OPHN1: variants seen among roughly 807,000 people sequenced by gnomAD.
OPHN1 encodes the protein oligophrenin-1.
OPHN1 carries 11 observed loss-of-function variants against 60.7 expected under a neutral mutation model. That is an observed-to-expected ratio of 0.18 (90% confidence interval 0.11 to 0.30). OPHN1 has a LOEUF of 0.30. Among genes scored for constraint, OPHN1 ranks in the 10% least tolerant of loss-of-function variants. The probability of loss-of-function intolerance (pLI) is 1.00; values close to 1 mark genes in which losing one functional copy is unlikely to be tolerated. For synonymous variants in OPHN1, 226 were observed against 222.6 expected, an observed-to-expected ratio of 1.02 and a Z score of -0.14; for missense variants, 449 against 611.0, an observed-to-expected ratio of 0.73 and a Z score of 2.80.
intron 15 of OPHN1, among the ~76,000 whole-genome samples, chrX:68,156,826 C>A (rs1016704658): frequency 9.0e-6 from 1 of 111,102 alleles, no homozygotes; most frequent in African/African-American, 3.3e-5. Context: ...CAAAATCAAG[C>A]AAAATTAAGG....
chrX:68,317,517 G>GAA (rs2078210926), intron 2 of OPHN1, among the ~76,000 whole-genome samples: 1 of 47,847 alleles, frequency 2.1e-5, no homozygotes, highest in African/African-American at 1.8e-4. Flanking sequence ...GAAAGAGAGA[G>GAA]AGAAAGAAAG....
chrX:68,175,798 C>T (rs191608053), intron 15 of OPHN1, among the ~76,000 whole-genome samples: 8 of 111,808 alleles, frequency 7.2e-5, no homozygotes, highest in African/African-American at 2.6e-4. Context: ...AAAGACATTC[C>T]CTAATGGTCT....
intron 6 of OPHN1, 117 bp from the exon 7 acceptor site, chrX:68,214,089 T>C (rs1179301640): frequency 2.0e-6 from 1 of 500,634 alleles, no homozygotes; most frequent in African/African-American, 2.3e-5. Flanking sequence ...ACTAGTGATG[T>C]TACCTTTTAT....
intron 2 of OPHN1, among the ~76,000 whole-genome samples, chrX:68,358,477 T>C (rs2078453912): frequency 8.9e-6 from 1 of 112,023 alleles, no homozygotes; most frequent in African/African-American, 3.2e-5. Context: ...GAATACTGAA[T>C]TTTGAAGTTT....
intron 15 of OPHN1, among the ~76,000 whole-genome samples, chrX:68,170,103 T>C (rs1467965673): frequency 4.0e-4 from 44 of 109,324 alleles, no homozygotes; most frequent in East Asian, 1.4e-3. Flanking sequence ...CAAACAACCC[T>C]ATCAAAAAGT....
At chrX:68,086,181 C>CAA (rs779219029) in intron 19 of OPHN1, among the ~76,000 whole-genome samples, 1 of 71,216 alleles carries the variant, frequency 1.4e-5, no homozygotes, top group Non-Finnish European at 2.7e-5. Flanking sequence ...ACTCTGTCTC[C>CAA]AAAAAAAAAA....
Position 68,388,992 on chromosome X carries a change from T to TACAGTGGTGTACAGTGGAGTACAGTGGTG in OPHN1, c.154+43874_154+43875insCACCACTGTACTCCACTGTACACCACTGT, listed in dbSNP as rs2078638852. 5.5e-5 allele frequency among the ~76,000 whole-genome samples: 6 copies of TACAGTGGTGTACAGTGGAGTACAGTGGTG among 108,900 alleles called. No homozygotes were observed. In the South Asian group the frequency reaches 2.5e-3, roughly 45 times the overall value. The allele number at this position is 108,900 out of a possible 115,157, so 94.6% of individuals were successfully genotyped here. ...TTTTTTTTGAGACAGGGTCTCATTG[T>TACAGTGGTGTACAGTGGAGTACAGTGGTG]TACCCAACTTGGAGTACAGTGGTGT... is the stretch of plus-strand genomic sequence containing the variant. On this transcript the variant is annotated intron_variant, in intron 2 of 24. Coordinates refer to ENST00000355520, the MANE Select transcript of OPHN1 (RefSeq NM_002547.3).
At chrX:68,207,203 A>G (rs777785254) in intron 9 of OPHN1, among the ~76,000 whole-genome samples, 1 of 105,861 alleles carries the variant, frequency 9.4e-6, no homozygotes, top group South Asian at 4.3e-4. Flanking sequence ...ATCTCAGCTC[A>G]CTGCAAGCTC....
chrX:68,354,845 C>G (rs2078432719), intron 2 of OPHN1, among the ~76,000 whole-genome samples: 1 of 111,778 alleles, frequency 8.9e-6, no homozygotes, highest in Admixed American at 9.6e-5. Context: ...CTCCCACTAC[C>G]TCTGTGATCA....
chrX:68,163,020 A>G (rs1457222720), intron 15 of OPHN1, among the ~76,000 whole-genome samples: 3 of 111,225 alleles, frequency 2.7e-5, no homozygotes, highest in Non-Finnish European at 5.7e-5. Flanking sequence ...ATCTTTGCAA[A>G]GGAAGACTTT....
intron 5 of OPHN1, among the ~76,000 whole-genome samples, chrX:68,250,508 G>A (rs929187391): frequency 1.8e-5 from 2 of 111,379 alleles, no homozygotes; most frequent in Non-Finnish European, 3.8e-5. Context: ...TATGTGCCAC[G>A]TGGCTAAAGG....
intron 9 of OPHN1, among the ~76,000 whole-genome samples, chrX:68,208,074 C>G (rs1462954637): frequency 1.0e-5 from 1 of 98,495 alleles, no homozygotes; most frequent in African/African-American, 3.7e-5. Flanking sequence ...TCTTTTCTTT[C>G]TTTCATTCTT....
intron 5 of OPHN1, among the ~76,000 whole-genome samples, chrX:68,258,964 A>G (rs1003040648): frequency 1.8e-5 from 2 of 112,345 alleles, no homozygotes; most frequent in African/African-American, 6.5e-5. Flanking sequence ...GAGTGATGAT[A>G]TAAATTGACA....
At chrX:68,297,937 C>A (rs1302044963) in intron 3 of OPHN1, among the ~76,000 whole-genome samples, 1 of 111,594 alleles carries the variant, frequency 9.0e-6, no homozygotes, top group Non-Finnish European at 1.9e-5. Context: ...GTCCAAGATA[C>A]TATTTCTGTG....
Position 68,433,196 on chromosome X carries a change from T to G in OPHN1, c.-33A>C, listed in dbSNP as rs2078894924. The G allele has an allele frequency of 2.0e-6, 1 of 489,489 alleles. No individual in the cohort carries two copies. The highest frequency in any genetic ancestry group is 4.0e-5 in the Admixed American group (1 of 24,897). 40.3% of individuals were successfully genotyped at this position (489,489 alleles called of 1,213,427 possible). A position where few individuals can be genotyped will look rare whatever the true frequency, so the allele number is the denominator to read the frequency against. On this transcript the variant is annotated 5_prime_UTR_variant, in exon 1 of 25. Coordinates refer to ENST00000355520, the MANE Select transcript of OPHN1 (RefSeq NM_002547.3). The stretch of plus-strand genomic sequence containing the variant: ...TTTCAGTGAGACTCCTGAGGAGCGC[T>G]GGCTGGTCCGGACAGAGAACAGGCG...
At chrX:68,374,837 T>C (rs891400358) in intron 2 of OPHN1, among the ~76,000 whole-genome samples, 1 of 112,264 alleles carries the variant, frequency 8.9e-6, no homozygotes, top group Non-Finnish European at 1.9e-5. Flanking sequence ...TGACCAAAGA[T>C]ACATGGATGG....
intron 15 of OPHN1, among the ~76,000 whole-genome samples, chrX:68,147,485 C>T (rs1032041622): frequency 8.9e-6 from 1 of 111,834 alleles, no homozygotes; most frequent in Non-Finnish European, 1.9e-5. Flanking sequence ...ATTTCTTAAG[C>T]TTCCTGAAAT....
intron 19 of OPHN1, among the ~76,000 whole-genome samples, chrX:68,076,440 T>C (rs1010327537): frequency 9.1e-6 from 1 of 109,557 alleles, no homozygotes; most frequent in African/African-American, 3.3e-5. Context: ...ATCTGAATAG[T>C]CCTATAACCA....
chrX:68,401,253 G>C (rs1275411099), intron 2 of OPHN1, among the ~76,000 whole-genome samples: 1 of 112,071 alleles, frequency 8.9e-6, no homozygotes, highest in Non-Finnish European at 1.9e-5. Context: ...TTAGTAATGA[G>C]ACAGACAGCT....
Sources: allele counts gnomAD v4.1 joint callset (sites outside exome capture counted in the v4.1 genomes callset), GRCh38; gene constraint gnomAD v4.1.1; transcripts MANE v1.5; gene names NCBI Gene and HGNC (gene_info 2026-07-23, HGNC 2026-07-21).